LEKR1: variants seen among roughly 807,000 people sequenced by gnomAD.
LEKR1 encodes leucine, glutamate and lysine rich 1, also known as protein LEKR1.
LEKR1 carries 59 observed loss-of-function variants against 72.4 expected under a neutral mutation model. That is an observed-to-expected ratio of 0.82 (90% confidence interval 0.66 to 1.01). LEKR1 has a LOEUF of 1.01. LEKR1 is among the 50% of genes least tolerant of loss of function. The probability of loss-of-function intolerance (pLI) is 0.00; values close to 1 mark genes in which losing one functional copy is unlikely to be tolerated. For synonymous variants in LEKR1, 257 were observed against 263.2 expected, an observed-to-expected ratio of 0.98 and a Z score of 0.23; for missense variants, 728 against 759.2, an observed-to-expected ratio of 0.96 and a Z score of 0.48.
At chr3:156,943,382 C>G (rs1726394052) in intron 6 of LEKR1, among the ~76,000 whole-genome samples, 1 of 151,844 alleles carries the variant, frequency 6.6e-6, no homozygotes, top group African/African-American at 2.4e-5. Context: ...GAAGGGAACT[C>G]ACATTTTTTT....
At chr3:156,982,904 T>TGGA (rs1730351737) in intron 7 of LEKR1, among the ~76,000 whole-genome samples, 1 of 140,202 alleles carries the variant, frequency 7.1e-6, no homozygotes, top group African/African-American at 2.5e-5. Flanking sequence ...GATAGATAGA[T>TGGA]AGATGGAAGA....
At chr3:156,967,087 C>A (rs1257872590) in intron 6 of LEKR1, among the ~76,000 whole-genome samples, 1 of 152,144 alleles carries the variant, frequency 6.6e-6, no homozygotes, top group Non-Finnish European at 1.5e-5. Context: ...AGAAGGAAAA[C>A]TAACAAACAG....
At chr3:156,886,169 T>A (rs562960328) in intron 3 of LEKR1, among the ~76,000 whole-genome samples, 73 of 152,210 alleles carry the variant, frequency 4.8e-4, no homozygotes, top group African/African-American at 1.7e-3. Flanking sequence ...AGGCCAATGA[T>A]ACTATGTTTC....
chr3:156,955,886 G>A (rs935803037), intron 6 of LEKR1, among the ~76,000 whole-genome samples: 4 of 150,154 alleles, frequency 2.7e-5, no homozygotes, highest in African/African-American at 7.3e-5. Context: ...CTTATGGCCA[G>A]ACAAGTTCAG....
At chr3:156,845,843 C>T (rs1227022460) in intron 2 of LEKR1, among the ~76,000 whole-genome samples, 1 of 152,054 alleles carries the variant, frequency 6.6e-6, no homozygotes, top group African/African-American at 2.4e-5. Flanking sequence ...TTGAGAATAA[C>T]TCTTTCTATA....
At chr3:156,945,045 A>G (rs1182567186) in intron 6 of LEKR1, among the ~76,000 whole-genome samples, 5 of 151,708 alleles carry the variant, frequency 3.3e-5, no homozygotes, top group Non-Finnish European at 7.4e-5. Context: ...ACAGTGTTCA[A>G]GGGTTCGCTT....
intron 2 of LEKR1, among the ~76,000 whole-genome samples, chr3:156,847,578 A>G (rs893591852): frequency 1.3e-5 from 2 of 152,244 alleles, no homozygotes; most frequent in Non-Finnish European, 2.9e-5. Context: ...AAGTTTCACA[A>G]AAATGCCCTA....
At chr3:157,026,225 A>G (rs1245425315) in intron 11 of LEKR1, among the ~76,000 whole-genome samples, 1 of 152,034 alleles carries the variant, frequency 6.6e-6, no homozygotes, top group African/African-American at 2.4e-5. Flanking sequence ...CCCAGGCTCC[A>G]CCGAGTCTCC....
intron 6 of LEKR1, among the ~76,000 whole-genome samples, chr3:156,958,411 T>A (rs1727839618): frequency 6.6e-6 from 1 of 152,142 alleles, no homozygotes; most frequent in South Asian, 2.1e-4. Flanking sequence ...CATCTCAGAT[T>A]TTGCAGTGTT....
intron 3 of LEKR1, among the ~76,000 whole-genome samples, chr3:156,914,147 C>A (rs969392583): frequency 1.1e-4 from 17 of 152,044 alleles, no homozygotes; most frequent in Non-Finnish European, 2.4e-4. Context: ...TTTCTCAATT[C>A]TTTAAAAAAA....
intron 9 of LEKR1, among the ~76,000 whole-genome samples, chr3:156,997,357 C>T (rs1731663744): frequency 6.6e-6 from 1 of 152,154 alleles, no homozygotes; most frequent in Non-Finnish European, 1.5e-5. Context: ...TTTGAAGCAC[C>T]AATGGGACTT....
chr3:156,994,635 A>G (rs891534063), intron 9 of LEKR1, among the ~76,000 whole-genome samples: 1 of 152,232 alleles, frequency 6.6e-6, no homozygotes, highest in Non-Finnish European at 1.5e-5. Context: ...TAGTTGAAAG[A>G]TTCAGCATGT....
chr3:157,018,083 G>C (rs866211522), intron 10 of LEKR1, among the ~76,000 whole-genome samples: 1 of 151,944 alleles, frequency 6.6e-6, no homozygotes, highest in African/African-American at 2.4e-5. Context: ...ATGACAAAGG[G>C]ATCAGTTCAC....
At chr3:156,940,710 T>C (rs1726124080) in intron 5 of LEKR1, among the ~76,000 whole-genome samples, 1 of 152,216 alleles carries the variant, frequency 6.6e-6, no homozygotes, top group South Asian at 2.1e-4. Context: ...TACTTTTCCA[T>C]GTCTTAGAAT....
intron 3 of LEKR1, among the ~76,000 whole-genome samples, chr3:156,886,069 T>C (rs1720027196): frequency 1.3e-5 from 2 of 152,170 alleles, no homozygotes; most frequent in South Asian, 4.1e-4. Context: ...TAGGAAAATA[T>C]CATCAGGTTG....
At chr3:156,836,473 A>G (rs1713163534) in intron 2 of LEKR1, among the ~76,000 whole-genome samples, 1 of 152,218 alleles carries the variant, frequency 6.6e-6, no homozygotes, top group African/African-American at 2.4e-5. Flanking sequence ...CCTTTAAAAT[A>G]TATGTATAGT....
At chr3:156,911,582 G>A (rs1723112420) in intron 3 of LEKR1, among the ~76,000 whole-genome samples, 1 of 151,956 alleles carries the variant, frequency 6.6e-6, no homozygotes, top group Admixed American at 6.6e-5. Flanking sequence ...TGGAAAAACT[G>A]ATGTTGAGAA....
intron 3 of LEKR1, among the ~76,000 whole-genome samples, chr3:156,861,900 A>C (rs1716802902): frequency 6.6e-6 from 1 of 152,134 alleles, no homozygotes; most frequent in Non-Finnish European, 1.5e-5. Flanking sequence ...ATTGTGCTCC[A>C]GACCAAAGTC....
chr3:157,032,072 A>T (rs1734655729), intron 12 of LEKR1, among the ~76,000 whole-genome samples: 1 of 151,898 alleles, frequency 6.6e-6, no homozygotes, highest in African/African-American at 2.4e-5. Context: ...GGAGGGAGGG[A>T]GAGAGAGTGA....
Sources: allele counts gnomAD v4.1 joint callset (sites outside exome capture counted in the v4.1 genomes callset), GRCh38; gene constraint gnomAD v4.1.1; transcripts MANE v1.5; gene names NCBI Gene and HGNC (gene_info 2026-07-23, HGNC 2026-07-21).